Variants in PDE2A observed in about 807,000 individuals in gnomAD.
The protein encoded by PDE2A is phosphodiesterase 2A, also known as cGMP-dependent 3',5'-cyclic phosphodiesterase.
In PDE2A, 53 loss-of-function variants were observed where a neutral mutation model predicts 133.6. That is an observed-to-expected ratio of 0.40 (90% CI 0.32 to 0.50). PDE2A has a LOEUF of 0.50. PDE2A is among the 20% of genes least tolerant of loss of function. PDE2A has a pLI of 0.73. For missense variants in PDE2A, 796 were observed against 1,232.4 expected (o/e 0.65, Z 5.30); for synonymous variants, 491 against 490.2 (o/e 1.00, Z -0.02).
intron 24 of PDE2A, 116 bp from the exon 25 acceptor site, chr11:72,580,740 C>T (rs772093132): frequency 1.0e-4 from 105 of 1,035,726 alleles, no homozygotes; most frequent in Non-Finnish European, 1.4e-4. Flanking sequence ...TATCTCAGAG[C>T]CAGGGGCAAA....
Position 72,621,256 on chromosome 11 carries a change from G to A in PDE2A, c.145-12505C>T, listed in dbSNP as rs139565131. On this transcript the variant is annotated intron_variant, in intron 2 of 30. Coordinates refer to ENST00000334456, the MANE Select transcript of PDE2A (RefSeq NM_002599.5). ...GGGTATTCAGAGAAGGGAGGAGCTC[G>A]CATCTGGGCACAGACACCATTTCTG... is the stretch of plus-strand genomic sequence containing the variant. 4.6e-5 allele frequency among the ~76,000 whole-genome samples: 7 copies of A among 152,222 alleles called. No individual in the cohort carries two copies. In the East Asian group the frequency reaches 7.7e-4, roughly 17 times the overall value.
intron 2 of PDE2A, among the ~76,000 whole-genome samples, chr11:72,610,985 C>T (rs965739710): frequency 2.6e-5 from 4 of 152,180 alleles, no homozygotes; most frequent in African/African-American, 9.7e-5. Context: ...CCCAGTACTC[C>T]CAAGATAAAG....
intron 2 of PDE2A, among the ~76,000 whole-genome samples, chr11:72,619,504 C>T (rs753858762): frequency 1.6e-4 from 24 of 152,282 alleles, no homozygotes; most frequent in African/African-American, 5.1e-4. Context: ...CCACATGGGT[C>T]GTGAGAGTGT....
intron 20 of PDE2A, among the ~76,000 whole-genome samples, chr11:72,582,856 A>T (rs112838794): frequency 1.3e-5 from 2 of 152,196 alleles, no homozygotes; most frequent in Non-Finnish European, 2.9e-5. Context: ...CATTTCATAC[A>T]CAGTAACTGT....
intron 2 of PDE2A, among the ~76,000 whole-genome samples, chr11:72,624,029 T>C (rs891632201): frequency 2.0e-5 from 3 of 151,086 alleles, no homozygotes; most frequent in African/African-American, 7.3e-5. Context: ...ATTTCACTCG[T>C]CACCCAGGCT....
intron 21 of PDE2A, 121 bp downstream of exon 21, chr11:72,582,323 G>A: frequency 1.0e-6 from 1 of 993,736 alleles, no homozygotes; most frequent in Non-Finnish European, 1.5e-6. Context: ...CATCTCTGAG[G>A]GACCCTCCAC....
intron 6 of PDE2A, among the ~76,000 whole-genome samples, chr11:72,596,065 C>T (rs1255063488): frequency 1.3e-5 from 2 of 152,180 alleles, no homozygotes; most frequent in African/African-American, 4.8e-5. Context: ...TTTCTCTCCT[C>T]AAGGCCCCCA....
chr11:72,625,352 C>T (rs1300762305), intron 2 of PDE2A, among the ~76,000 whole-genome samples: 1 of 152,246 alleles, frequency 6.6e-6, no homozygotes, highest in East Asian at 1.9e-4. Flanking sequence ...CTGTGCTTCC[C>T]AGAACAGGGC....
chr11:72,581,303 C>A (rs1359918578), intron 23 of PDE2A, 54 bp downstream of exon 23: 1 of 1,431,630 alleles, frequency 7.0e-7, no homozygotes, highest in East Asian at 2.5e-5. Context: ...GCTTCCCTGT[C>A]CCAGGGAGGG....
intron 1 of PDE2A, among the ~76,000 whole-genome samples, chr11:72,663,899 C>T (rs1855151524): frequency 6.6e-6 from 1 of 152,222 alleles, no homozygotes; most frequent in African/African-American, 2.4e-5. Context: ...TGTCCCTCCA[C>T]ATCCAATCTC....
intron 27 of PDE2A, 130 bp downstream of exon 27, chr11:72,579,154 G>C (rs569151395): frequency 1.8e-5 from 17 of 947,848 alleles, no homozygotes; most frequent in African/African-American, 8.0e-5. Context: ...GTCTGCCTGG[G>C]GGGGGCCGTG....
At chr11:72,579,454 T>A in intron 26 of PDE2A, 71 bp from the exon 27 acceptor site, 1 of 1,557,110 alleles carries the variant, frequency 6.4e-7, no homozygotes, top group East Asian at 2.3e-5. Context: ...CCAGTGAGCC[T>A]CCACTCCTTG....
chr11:72,667,977 T>C (rs1855287345), intron 1 of PDE2A, among the ~76,000 whole-genome samples: 1 of 152,006 alleles, frequency 6.6e-6, no homozygotes, highest in Non-Finnish European at 1.5e-5. Flanking sequence ...GCACCAAGGA[T>C]GGGATTTAGA....
chr11:72,592,930 CT>C (rs1856317462), intron 6 of PDE2A, among the ~76,000 whole-genome samples: 1 of 151,990 alleles, frequency 6.6e-6, no homozygotes, highest in Non-Finnish European at 1.5e-5. Context: ...TTGCATATGG[CT>C]TATATAAATA....
chr11:72,586,954 A>G (rs1856003910), intron 13 of PDE2A, among the ~76,000 whole-genome samples: 1 of 151,978 alleles, frequency 6.6e-6, no homozygotes, highest in Non-Finnish European at 1.5e-5. Flanking sequence ...CTGTCTGCAC[A>G]CCTTTCTTAC....
chr11:72,579,667 C>A, intron 25 of PDE2A, 59 bp from the exon 26 acceptor site: 1 of 1,221,166 alleles, frequency 8.2e-7, no homozygotes, highest in Non-Finnish European at 1.2e-6. Flanking sequence ...TTACCATTGA[C>A]CCCAAGAGAG....
intron 6 of PDE2A, among the ~76,000 whole-genome samples, chr11:72,593,862 T>A (rs1289096261): frequency 6.6e-6 from 1 of 152,272 alleles, no homozygotes; most frequent in East Asian, 1.9e-4. Flanking sequence ...TCGAGGGGTT[T>A]CCTTGCTAGC....
intron 1 of PDE2A, among the ~76,000 whole-genome samples, chr11:72,661,452 C>T (rs1855060613): frequency 6.6e-6 from 1 of 152,160 alleles, no homozygotes; most frequent in African/African-American, 2.4e-5. Context: ...CACTCACACC[C>T]ACAGTCACCA....
chr11:72,673,373 A>G (rs562617190), intron 1 of PDE2A, among the ~76,000 whole-genome samples: 1 of 149,812 alleles, frequency 6.7e-6, no homozygotes, highest in Admixed American at 6.7e-5. Context: ...TCTACACCCA[A>G]CATGTCCCTT....
Sources: gnomAD v4.1 joint callset for allele counts (sites outside exome capture counted in the v4.1 genomes callset) on GRCh38, gnomAD v4.1.1 for gene constraint, MANE v1.5 for transcripts, NCBI Gene and HGNC (gene_info 2026-07-23, HGNC 2026-07-21) for gene names.